Variants in RAB11FIP3 observed in about 807,000 individuals in gnomAD.
RAB11FIP3 encodes the protein rab11 family-interacting protein 3.
In RAB11FIP3, 17 loss-of-function variants were observed where a neutral mutation model predicts 77.8. The observed-to-expected ratio is 0.22, with a 90% CI of 0.15 to 0.33. The LOEUF is 0.33. Ranked by LOEUF, RAB11FIP3 falls within the 10% of genes least tolerant of loss-of-function variation. The pLI is 1.00. For missense variants in RAB11FIP3, 1,005 were observed against 1,011.2 expected (o/e 0.99, Z 0.08); for synonymous variants, 437 against 448.2 (o/e 0.98, Z 0.31).
At chr16:446,251 T>G (rs1201364984) in intron 1 of RAB11FIP3, among the ~76,000 whole-genome samples, 1 of 152,068 alleles carries the variant, frequency 6.6e-6, no homozygotes, top group African/African-American at 2.4e-5. Flanking sequence ...TGAAACCCCG[T>G]GTCTTTGAAA....
At chr16:441,598 C>T (rs1054763943) in intron 1 of RAB11FIP3, among the ~76,000 whole-genome samples, 1 of 152,210 alleles carries the variant, frequency 6.6e-6, no homozygotes, top group African/African-American at 2.4e-5. Context: ...ATCTCACGCA[C>T]GCGGACCCTA....
At chr16:494,570 C>T (rs1261144137) in intron 5 of RAB11FIP3, among the ~76,000 whole-genome samples, 5 of 151,736 alleles carry the variant, frequency 3.3e-5, no homozygotes, top group Admixed American at 6.5e-5. Flanking sequence ...TGCAGTGAGC[C>T]GAGATCATGC....
intron 1 of RAB11FIP3, chr16:453,375 G>A (rs1032416007): frequency 6.6e-6 from 1 of 151,742 alleles, no homozygotes; most frequent in Admixed American, 6.6e-5. Flanking sequence ...TGCCCGGCCT[G>A]GCCACATCTA....
chr16:440,091 C>A (rs2055199678), intron 1 of RAB11FIP3, among the ~76,000 whole-genome samples: 2 of 152,050 alleles, frequency 1.3e-5, no homozygotes, highest in African/African-American at 4.8e-5. Flanking sequence ...CCGCCCCCCC[C>A]ATCGGCCTCC....
rs958393571 is a variant in RAB11FIP3 at position 443,651 on chromosome 16, T to C, written c.714+16931T>C. On this transcript the variant is annotated intron_variant, in intron 1 of 13. Transcript: ENST00000262305. ...CGCGATCTTGGCTCACTGCAACCTC[T>C]GCCTCCCAGGTTCAAGCGATTCTCC... is the stretch of plus-strand genomic sequence containing the variant. 7.9e-5 allele frequency among the ~76,000 whole-genome samples: 12 copies of C among 152,120 alleles called. 1 individual carries two copies. The highest frequency in any genetic ancestry group is 5.2e-4 in the Admixed American group (8 of 15,272).
At chr16:496,537 A>G (rs1411890090) in intron 5 of RAB11FIP3, among the ~76,000 whole-genome samples, 3 of 152,222 alleles carry the variant, frequency 2.0e-5, no homozygotes, top group Admixed American at 6.5e-5. Flanking sequence ...AGCGGGTGGG[A>G]CCAGGTGTGG....
chr16:434,433 C>G (rs1224459339), intron 1 of RAB11FIP3, among the ~76,000 whole-genome samples: 1 of 150,732 alleles, frequency 6.6e-6, no homozygotes, highest in Non-Finnish European at 1.5e-5. Context: ...CAGATGTATA[C>G]TTTATTTTTT....
At chr16:519,285 C>T (rs2032560941) in intron 10 of RAB11FIP3, among the ~76,000 whole-genome samples, 1 of 152,246 alleles carries the variant, frequency 6.6e-6, no homozygotes, top group Non-Finnish European at 1.5e-5. Context: ...ATCAGCCAGC[C>T]ACTTATGCCC....
intron 1 of RAB11FIP3, among the ~76,000 whole-genome samples, chr16:433,411 A>G (rs1490335222): frequency 6.6e-6 from 1 of 151,078 alleles, no homozygotes; most frequent in African/African-American, 2.4e-5. Context: ...CTCTACCTCC[A>G]TTAGATCCAC....
In RAB11FIP3 at chr16:461,521, C is replaced by T. The variant is rs1417417367; in HGVS notation, c.808+24C>T. 1.3e-6 allele frequency: 2 copies of T among 1,592,250 alleles called. No homozygotes were observed. Among genetic ancestry groups the T allele is most frequent in the Non-Finnish European group, 1.7e-6 (2 of 1,161,128 alleles). Reference sequence around the variant, plus strand: ...AGGTCAGTCATCCCCGCCATGAGCTCCCACCTCCTCTCCCGTTCCTCAGCC... The same window carrying T: ...AGGTCAGTCATCCCCGCCATGAGCTTCCACCTCCTCTCCCGTTCCTCAGCC... On this transcript the variant is annotated intron_variant, in intron 2 of 13. Coordinates refer to ENST00000262305, the MANE Select transcript of RAB11FIP3 (RefSeq NM_014700.4). The surrounding 1 kb of genome is among the most constrained non-coding windows in gnomAD (Gnocchi z 4.5).
chr16:497,393 G>A, intron 6 of RAB11FIP3: 2 of 1,286,246 alleles, frequency 1.6e-6, no homozygotes, highest in African/African-American at 1.5e-5. Flanking sequence ...CAGGGTTAAG[G>A]CCCTTCCCAG....
intron 3 of RAB11FIP3, among the ~76,000 whole-genome samples, chr16:480,646 C>T (rs573193480): frequency 3.3e-5 from 5 of 151,864 alleles, no homozygotes; most frequent in African/African-American, 1.2e-4. Context: ...ACTACAGGTG[C>T]CCGCCACCAC....
chr16:442,658 G>T (rs765316572), intron 1 of RAB11FIP3, among the ~76,000 whole-genome samples: 7 of 152,166 alleles, frequency 4.6e-5, no homozygotes, highest in Non-Finnish European at 8.8e-5. Flanking sequence ...TGTCTGCTGA[G>T]TCGTCCCAAA....
At chr16:468,711 A>G (rs532956362) in intron 2 of RAB11FIP3, among the ~76,000 whole-genome samples, 1 of 152,182 alleles carries the variant, frequency 6.6e-6, no homozygotes, top group Non-Finnish European at 1.5e-5. Context: ...GGATTGTTCC[A>G]AATAGGCCAT....
intron 1 of RAB11FIP3, among the ~76,000 whole-genome samples, chr16:445,767 T>C (rs1057432647): frequency 6.6e-6 from 1 of 152,116 alleles, no homozygotes; most frequent in African/African-American, 2.4e-5. Flanking sequence ...TCTCCCCATC[T>C]GTGCTCTCGG....
At position 498,714 on chromosome 16, in the gene RAB11FIP3, A is replaced by AG. The variant is rs374570761; in HGVS notation, c.1301+1856dup. Among the ~76,000 whole-genome samples, 114 of 152,178 alleles carry AG rather than the reference A, an allele frequency of 7.5e-4. 2 individuals carry two copies. Among genetic ancestry groups the AG allele is most frequent in the African/African-American group, 2.5e-3 (103 of 41,532 alleles). On this transcript the variant is annotated intron_variant, in intron 6 of 13. Transcript: ENST00000262305. ...TTTAATTTTTTGTAGAGACAGGCCC[A>AG]GACTGGTCTTGAACTCCTGGGCTCT...
chr16:444,300 C>T (rs996908850), intron 1 of RAB11FIP3, among the ~76,000 whole-genome samples: 2 of 152,158 alleles, frequency 1.3e-5, no homozygotes, highest in African/African-American at 2.4e-5. Flanking sequence ...TCCGGTGTGA[C>T]GTTCTCCTTG....
rs2031821919 is a variant in RAB11FIP3, at chr16:505,461, C to T, written c.1396-63C>T. 4 of 1,386,050 alleles carry T rather than the reference C, an allele frequency of 2.9e-6. No homozygotes were observed. Among genetic ancestry groups the T allele is most frequent in the East Asian group, 4.9e-5 (2 of 41,102 alleles). 85.9% of individuals were successfully genotyped at this position (1,386,050 alleles called of 1,614,324 possible). A position where few individuals can be genotyped will look rare whatever the true frequency, so the allele number is the denominator to read the frequency against. ...CCCAGGCGGCCTCCCAGGTTGTTCC[C>T]TTGGGGGTGCAGGCCCTTCTGCTTC... On this transcript the variant is annotated intron_variant, in intron 7 of 13. Coordinates refer to ENST00000262305, the MANE Select transcript of RAB11FIP3 (RefSeq NM_014700.4). The surrounding 1 kb of genome is among the most constrained non-coding windows in gnomAD (Gnocchi z 4.0).
chr16:477,473 G>A (rs753795516), intron 3 of RAB11FIP3, among the ~76,000 whole-genome samples: 1 of 152,144 alleles, frequency 6.6e-6, no homozygotes, highest in East Asian at 1.9e-4. Flanking sequence ...GCTGGGCTTC[G>A]CATCCTGCCC....
Sources: allele counts gnomAD v4.1 joint callset (sites outside exome capture counted in the v4.1 genomes callset), GRCh38; gene constraint gnomAD v4.1.1; non-coding constraint Gnocchi (gnomAD v3.1); transcripts MANE v1.5; gene names NCBI Gene and HGNC (gene_info 2026-07-23, HGNC 2026-07-21).